Variants in FAM83B observed in about 807,000 individuals in gnomAD.
The protein encoded by FAM83B is protein FAM83B.
In FAM83B, 26 loss-of-function variants were observed where a neutral mutation model predicts 38.8. That is an observed-to-expected ratio of 0.67 (90% CI 0.49 to 0.93). The LOEUF is 0.93. FAM83B is among the 40% of genes least tolerant of loss of function. FAM83B has a pLI of 0.00. For synonymous variants in FAM83B, 419 were observed against 423.1 expected (o/e 0.99, Z 0.12); for missense variants, 1,237 against 1,197.3 (o/e 1.03, Z -0.49).
In FAM83B at chr6:54,860,018, C is replaced by G. The variant is rs566217440; in HGVS notation, c.-60-10169C>G. On this transcript the variant is annotated intron_variant, in intron 1 of 4. Transcript: ENST00000306858. The stretch of plus-strand genomic sequence containing the variant: ...AGCTTCAAAAAACCACCTGTAGAAC[C>G]ACTACTCAAAGAAAACCACCCTCAT... Among the ~76,000 whole-genome samples the G allele has an allele frequency of 4.7e-5, 7 of 150,360 alleles. No individual in the cohort carries two copies. In the East Asian group the frequency reaches 1.4e-3, roughly 30 times the overall value.
In FAM83B at chr6:54,940,791, A is replaced by G. The variant is rs189592375; in HGVS notation, c.1820A>G (p.Glu607Gly). ...ESIPKLPLQSEAPKMHTLQVP... is the reference protein window; with the variant it reads ...ESIPKLPLQSGAPKMHTLQVP... The stretch of plus-strand genomic sequence containing the variant: ...ATCCCCAAGCTCCCATTGCAGTCAG[A>G]GGCACCAAAAATGCACACCTTGCAG... The change falls in exon 5 of 5, where the codon GAG becomes GGG. Residue 607 changes from glutamate (E) to glycine (G), a missense_variant. Coordinates refer to ENST00000306858, the MANE Select transcript of FAM83B (RefSeq NM_001010872.3). 1.9e-6 allele frequency: 3 copies of G among 1,614,068 alleles called. No individual in the cohort carries two copies. The African/African-American group carries it at 4.0e-5, about 22-fold the overall frequency.
At chr6:54,904,267 T>C (rs182868420) in intron 2 of FAM83B, among the ~76,000 whole-genome samples, 3 of 152,302 alleles carry the variant, frequency 2.0e-5, no homozygotes, top group African/African-American at 7.2e-5. Context: ...TATGCTGATA[T>C]GTAGGCAGTT....
intron 2 of FAM83B, among the ~76,000 whole-genome samples, chr6:54,920,796 A>G (rs1773149958): frequency 6.6e-6 from 1 of 151,862 alleles, no homozygotes; most frequent in South Asian, 2.1e-4. Context: ...CAATTGTATG[A>G]CTCAGTAGAA....
chr6:54,941,849 C>A lies in FAM83B; in HGVS notation c.2878C>A (p.Arg960Ser). ...CAACATGCCAAATACCAGTATAAAT[C>A]GCCCAGAAATAAAATCTGCGACTAT... ...TSNMPNTSIN[R>S]PEIKSATMGN... Residue 960 changes from arginine (R) to serine (S), a missense_variant, in exon 5 of 5, where the codon CGC (arginine) becomes AGC (serine). Arg to Ser is a moderately radical substitution (Grantham distance 110). Transcript: ENST00000306858. 1 of 1,584,632 alleles carries A rather than the reference C, an allele frequency of 6.3e-7. No individual in the cohort carries two copies. Among genetic ancestry groups the A allele is most frequent in the East Asian group, 2.3e-5 (1 of 42,584 alleles).
chr6:54,914,764 T>C (rs1454534378), intron 2 of FAM83B, among the ~76,000 whole-genome samples: 3 of 152,154 alleles, frequency 2.0e-5, no homozygotes, highest in African/African-American at 7.2e-5. Flanking sequence ...TCTTTTTCAC[T>C]TCCTGGCAAG....
chr6:54,932,728 G>C (rs1247326003), intron 4 of FAM83B, among the ~76,000 whole-genome samples: 2 of 152,026 alleles, frequency 1.3e-5, no homozygotes, highest in Non-Finnish European at 2.9e-5. Flanking sequence ...GGACAGTTTT[G>C]CTGGATTTTT....
intron 2 of FAM83B, among the ~76,000 whole-genome samples, chr6:54,872,440 G>T (rs1771881689): frequency 6.6e-6 from 1 of 152,142 alleles, no homozygotes; most frequent in Non-Finnish European, 1.5e-5. Context: ...GACATGATAT[G>T]CTTTTGAAGC....
upstream of FAM83B, among the ~76,000 whole-genome samples, chr6:54,846,308 C>T (rs542665559): frequency 2.0e-5 from 3 of 152,318 alleles, no homozygotes; most frequent in African/African-American, 7.2e-5. Context: ...TGCTCTCACC[C>T]GCGGCCCCCA....
At chr6:54,866,501 G>C (rs1346612926) in intron 1 of FAM83B, among the ~76,000 whole-genome samples, 2 of 152,180 alleles carry the variant, frequency 1.3e-5, no homozygotes, top group Middle Eastern at 3.4e-3. Flanking sequence ...CATTTTAAGA[G>C]TGCAGCATCT....
At position 54,904,454 on chromosome 6, in the gene FAM83B, A is replaced by G. The variant is rs553707777; in HGVS notation, c.445-21917A>G. On this transcript the variant is annotated intron_variant, in intron 2 of 4. Coordinates refer to ENST00000306858, the MANE Select transcript of FAM83B (RefSeq NM_001010872.3). ...AGATCACTGCCTCCCCCTACTTTCT[A>G]AGACAATTTAAGGAAAACACACCTC... 5.3e-5 allele frequency among the ~76,000 whole-genome samples: 8 copies of G among 152,206 alleles called. No homozygotes were observed. The South Asian group carries it at 1.7e-3, about 32-fold the overall frequency.
chr6:54,880,572 G>A (rs1404724722), intron 2 of FAM83B, among the ~76,000 whole-genome samples: 1 of 150,356 alleles, frequency 6.7e-6, no homozygotes, highest in Non-Finnish European at 1.5e-5. Context: ...AGCCTCCTGA[G>A]TAGCTGGGAT....
intron 4 of FAM83B, among the ~76,000 whole-genome samples, chr6:54,934,149 A>T (rs896907678): frequency 2.4e-4 from 37 of 152,028 alleles, no homozygotes; most frequent in African/African-American, 8.9e-4. Flanking sequence ...CTGCCACTTT[A>T]CTGACCTTGT....
At chr6:54,936,550 C>A (rs140631812) in intron 4 of FAM83B, among the ~76,000 whole-genome samples, 1 of 151,902 alleles carries the variant, frequency 6.6e-6, no homozygotes, top group Non-Finnish European at 1.5e-5. Flanking sequence ...TCTACATAAT[C>A]GAACTTTCTG....
At chr6:54,909,783 A>G (rs766012379) in intron 2 of FAM83B, among the ~76,000 whole-genome samples, 3 of 152,176 alleles carry the variant, frequency 2.0e-5, no homozygotes, top group Non-Finnish European at 2.9e-5. Flanking sequence ...ATTAGGATGC[A>G]GTTAATTTAG....
chr6:54,887,356 A>G (rs1464389847), intron 2 of FAM83B, among the ~76,000 whole-genome samples: 1 of 152,178 alleles, frequency 6.6e-6, no homozygotes. Context: ...TGCAGGATTG[A>G]CTGCAGGACT....
intron 2 of FAM83B, among the ~76,000 whole-genome samples, chr6:54,905,920 C>G (rs961640411): frequency 1.5e-4 from 23 of 151,758 alleles, no homozygotes; most frequent in African/African-American, 5.1e-4. Context: ...GAACAAAATC[C>G]CACTATTTAT....
Position 54,941,810 on chromosome 6 carries a change from A to T in FAM83B, c.2839A>T (p.Ile947Phe), listed in dbSNP as rs748872180. The change falls in exon 5 of 5, where the codon ATT becomes TTT. Residue 947 changes from isoleucine to phenylalanine, a missense_variant. Physicochemically the swap from Ile to Phe is conservative, Grantham distance 21. Transcript: ENST00000306858. Reference protein sequence around the residue: ...FEPFCKIESSIQPTSNMPNTS... With the variant: ...FEPFCKIESSFQPTSNMPNTS... The stretch of plus-strand genomic sequence containing the variant: ...GCCGTTTTGTAAGATTGAGAGCTCT[A>T]TTCAGCCAACAAGCAACATGCCAAA... 6 of 1,614,004 alleles carry T rather than the reference A, an allele frequency of 3.7e-6. No individual in the cohort carries two copies. The highest frequency in any genetic ancestry group is 5.1e-6 in the Non-Finnish European group (6 of 1,180,014).
At chr6:54,883,504 T>A (rs904255519) in intron 2 of FAM83B, among the ~76,000 whole-genome samples, 1 of 151,430 alleles carries the variant, frequency 6.6e-6, no homozygotes, top group African/African-American at 2.4e-5. Context: ...CTGGCTAATT[T>A]TTTGTATTTT....
In FAM83B at chr6:54,940,138, T is replaced by C; in HGVS notation, c.1167T>C (p.Tyr389=). Residue 389 remains tyrosine, a synonymous_variant, in exon 5 of 5, where the codon TAT becomes TAC. Transcript: ENST00000306858. ...QINENWKRHS[Y]AGEQPETVPY... Reference sequence around the variant, plus strand: ...ATGAAAATTGGAAAAGGCATAGTTATGCTGGGGAACAGCCAGAAACAGTGC... The same window carrying C: ...ATGAAAATTGGAAAAGGCATAGTTACGCTGGGGAACAGCCAGAAACAGTGC... The C allele has an allele frequency of 1.2e-6, 2 of 1,614,112 alleles. No individual in the cohort carries two copies. The highest frequency in any genetic ancestry group is 1.7e-6 in the Non-Finnish European group (2 of 1,180,000).
Sources: allele counts gnomAD v4.1 joint callset (sites outside exome capture counted in the v4.1 genomes callset), GRCh38; gene constraint gnomAD v4.1.1; transcripts MANE v1.5; gene names NCBI Gene and HGNC (gene_info 2026-07-23, HGNC 2026-07-21).